GPR89A: variants seen among roughly 807,000 people sequenced by gnomAD.
GPR89A encodes golgi pH regulator A.
GPR89A carries 16 observed loss-of-function variants against 52.0 expected under a neutral mutation model. The observed-to-expected ratio is 0.31, with a 90% confidence interval of 0.21 to 0.47. The LOEUF (loss-of-function observed/expected upper bound fraction) is 0.47. Ranked by LOEUF, GPR89A falls within the 20% of genes least tolerant of loss-of-function variation. GPR89A has a pLI of 1.00. For synonymous variants in GPR89A, 55 were observed against 150.9 expected, an observed-to-expected ratio of 0.36 and a Z score of 4.66; for missense variants, 135 against 449.4, an observed-to-expected ratio of 0.30 and a Z score of 6.33.
At chr1:145,635,149 G>C (rs1650137223) in intron 7 of GPR89A, among the ~76,000 whole-genome samples, 1 of 152,238 alleles carries the variant, frequency 6.6e-6, no homozygotes, top group South Asian at 2.1e-4. Flanking sequence ...GCTCACGCCT[G>C]TAATCCCAGC....
chr1:145,636,963 CAGA>C (rs1650284899), intron 7 of GPR89A, among the ~76,000 whole-genome samples: 2 of 152,070 alleles, frequency 1.3e-5, no homozygotes. Flanking sequence ...GAGGGAAATG[CAGA>C]AGGACTAATA....
intron 5 of GPR89A, among the ~76,000 whole-genome samples, chr1:145,624,527 T>C (rs1419080580): frequency 3.3e-5 from 5 of 150,978 alleles, no homozygotes; most frequent in South Asian, 2.1e-4. Flanking sequence ...TATATATATA[T>C]ACCTCTTTAT....
intron 10 of GPR89A, among the ~76,000 whole-genome samples, chr1:145,649,144 T>A (rs1651269095): frequency 6.6e-6 from 1 of 152,076 alleles, no homozygotes; most frequent in Non-Finnish European, 1.5e-5. Flanking sequence ...GTATAACTGA[T>A]ATGTAAACCG....
chr1:145,648,620 C>T (rs1651217559), intron 10 of GPR89A, among the ~76,000 whole-genome samples: 1 of 151,416 alleles, frequency 6.6e-6, no homozygotes, highest in Non-Finnish European at 1.5e-5. Flanking sequence ...GCTGGGATTG[C>T]AAGCACGCAC....
chr1:145,658,371 G>A (rs1651956144), intron 10 of GPR89A, among the ~76,000 whole-genome samples: 1 of 148,272 alleles, frequency 6.7e-6, no homozygotes, highest in Non-Finnish European at 1.5e-5. Flanking sequence ...TTGGGAGGCT[G>A]AGGCAGGAGG....
At chr1:145,668,829 A>G (rs1205744474) in intron 12 of GPR89A, among the ~76,000 whole-genome samples, 4 of 152,124 alleles carry the variant, frequency 2.6e-5, no homozygotes, top group African/African-American at 7.2e-5. Context: ...TGAGATAACC[A>G]TGTGGTTTTT....
At chr1:145,619,897 C>T (rs1350073757) in intron 3 of GPR89A, among the ~76,000 whole-genome samples, 8 of 152,066 alleles carry the variant, frequency 5.3e-5, no homozygotes, top group East Asian at 1.9e-4. Context: ...CGCCTGTAGT[C>T]CCAGCTACTT....
intron 10 of GPR89A, among the ~76,000 whole-genome samples, chr1:145,648,840 T>C (rs1402362165): frequency 2.2e-5 from 3 of 134,814 alleles, no homozygotes; most frequent in Admixed American, 7.7e-5. Flanking sequence ...TCTCTCTCTG[T>C]CTCCCAGGCT....
At chr1:145,626,742 G>A (rs1343684699) in intron 5 of GPR89A, among the ~76,000 whole-genome samples, 2 of 151,536 alleles carry the variant, frequency 1.3e-5, no homozygotes, top group East Asian at 1.9e-4. Flanking sequence ...TTGAGGCCAG[G>A]AGTTAGAGAC....
At chr1:145,660,611 A>G (rs1456974108) in intron 10 of GPR89A, among the ~76,000 whole-genome samples, 2 of 152,178 alleles carry the variant, frequency 1.3e-5, no homozygotes, top group African/African-American at 4.8e-5. Context: ...GTTTACAAGA[A>G]AAAAACAAAC....
intron 10 of GPR89A, among the ~76,000 whole-genome samples, chr1:145,647,719 C>T (rs1478403414): frequency 6.8e-6 from 1 of 147,994 alleles, no homozygotes; most frequent in African/African-American, 2.5e-5. Context: ...GCAGGAGAAT[C>T]GCTTGAACCC....
intron 5 of GPR89A, among the ~76,000 whole-genome samples, chr1:145,628,169 A>G (rs1190172090): frequency 8.6e-5 from 13 of 151,894 alleles, no homozygotes; most frequent in African/African-American, 2.9e-4. Context: ...CCAGGAATCT[A>G]AACAACTAGA....
At chr1:145,643,589 TGAG>T (rs1262997233) in intron 7 of GPR89A, among the ~76,000 whole-genome samples, 2 of 152,168 alleles carry the variant, frequency 1.3e-5, no homozygotes, top group Non-Finnish European at 2.9e-5. Context: ...CATCCAGAGA[TGAG>T]GAGATGAAAA....
chr1:145,660,433 A>G (rs1235172831), intron 10 of GPR89A, among the ~76,000 whole-genome samples: 1 of 152,190 alleles, frequency 6.6e-6, no homozygotes, highest in Non-Finnish European at 1.5e-5. Context: ...AGCAATGGCA[A>G]CAAAAGCCAA....
intron 12 of GPR89A, among the ~76,000 whole-genome samples, chr1:145,668,291 C>G (rs1471797928): frequency 6.6e-6 from 1 of 152,104 alleles, no homozygotes; most frequent in Non-Finnish European, 1.5e-5. Flanking sequence ...CTTCACATCC[C>G]TTGTAAATTG....
intron 10 of GPR89A, among the ~76,000 whole-genome samples, chr1:145,650,694 G>A (rs1429878279): frequency 3.3e-5 from 5 of 151,406 alleles, no homozygotes; most frequent in East Asian, 3.9e-4. Context: ...GGTGTGAGAT[G>A]GTAGCTCATT....
chr1:145,616,318 C>G (rs2101735190), intron 2 of GPR89A, 25 bp downstream of exon 2: 1 of 1,585,764 alleles, frequency 6.3e-7, no homozygotes, highest in Non-Finnish European at 8.6e-7. Flanking sequence ...TTTTGTCATA[C>G]TTACACTATA....
chr1:145,641,582 G>T (rs587693282), intron 7 of GPR89A, among the ~76,000 whole-genome samples: 20 of 151,760 alleles, frequency 1.3e-4, no homozygotes, highest in African/African-American at 4.9e-4. Context: ...AAAAGTAATG[G>T]CTGACTTCCT....
At chr1:145,657,026 A>G (rs1360286108) in intron 10 of GPR89A, among the ~76,000 whole-genome samples, 1 of 151,992 alleles carries the variant, frequency 6.6e-6, no homozygotes, top group Non-Finnish European at 1.5e-5. Context: ...CATTCCTAGA[A>G]TAAACCTCAC....
Sources: allele counts gnomAD v4.1 joint callset (sites outside exome capture counted in the v4.1 genomes callset), GRCh38; gene constraint gnomAD v4.1.1; transcripts MANE v1.5; gene names NCBI Gene and HGNC (gene_info 2026-07-23, HGNC 2026-07-21).